SPATA22: variants seen among roughly 807,000 people sequenced by gnomAD.
The protein encoded by SPATA22 is spermatogenesis-associated protein 22.
SPATA22 carries 29 observed loss-of-function variants against 47.8 expected under a neutral mutation model. The ratio of observed to expected loss-of-function variants is 0.61; its 90% CI spans 0.45 to 0.83. The LOEUF (loss-of-function observed/expected upper bound fraction) is 0.83. SPATA22 is among the 40% of genes least tolerant of loss of function. The pLI is 0.00. For missense variants in SPATA22, 410 were observed against 421.7 expected, an observed-to-expected ratio of 0.97 and a Z score of 0.24; for synonymous variants, 133 against 140.9, an observed-to-expected ratio of 0.94 and a Z score of 0.40.
rs544435355 is a variant in SPATA22 at position 3,501,133 on chromosome 17, A to G, written c.-74+12279T>C. The G allele has an allele frequency of 2.6e-5, 4 of 152,188 alleles. No homozygotes were observed. In the East Asian group the frequency reaches 7.7e-4, roughly 29 times the overall value. 9.4% of individuals were successfully genotyped at this position (152,188 alleles called of 1,614,324 possible). A position where few individuals can be genotyped will look rare whatever the true frequency, so the allele number is the denominator to read the frequency against. ...TCAAATCTAACTATTTAAGAAATAC[A>G]TTTCAGGCTGGGGGAGGGGAGAAAA... On this transcript the variant is annotated intron_variant, in intron 1 of 8. Coordinates refer to the SPATA22 transcript ENST00000541913.
chr17:3,456,679 T>C (rs1567598139), intron 5 of SPATA22, among the ~76,000 whole-genome samples: 1 of 151,982 alleles, frequency 6.6e-6, no homozygotes, highest in Non-Finnish European at 1.5e-5. Context: ...AAAGAGGGAT[T>C]CCTCCCTAAC....
chr17:3,442,966 T>C lies in SPATA22; in HGVS notation c.900+208A>G, dbSNP rs532371736. Among the ~76,000 whole-genome samples, 157 of 152,068 alleles carry C rather than the reference T, an allele frequency of 1.0e-3. 1 individual carries two copies. The highest frequency in any genetic ancestry group is 3.6e-3 in the African/African-American group (150 of 41,532). On this transcript the variant is annotated intron_variant, in intron 8 of 8. Transcript: ENST00000572969. ...GAGAAAGAGCCATTTGCCATTTACA[T>C]TCCACTTTATATCCCTCAAACCCAG...
chr17:3,505,785 T>G (rs1298387341), intron 1 of SPATA22, among the ~76,000 whole-genome samples: 3 of 143,432 alleles, frequency 2.1e-5, no homozygotes, highest in Admixed American at 7.4e-5. Flanking sequence ...TGAGACGGAG[T>G]CTCACTCTGT....
intron 1 of SPATA22, chr17:3,489,341 A>G (rs764104886): frequency 6.3e-7 from 1 of 1,591,454 alleles, no homozygotes; most frequent in Non-Finnish European, 8.6e-7. Context: ...ATTTCAATGA[A>G]GGTAAGTAAT....
chr17:3,460,819 A>T (rs1465086668), intron 5 of SPATA22, among the ~76,000 whole-genome samples: 1 of 145,552 alleles, frequency 6.9e-6, no homozygotes, highest in African/African-American at 2.5e-5. Flanking sequence ...AAAAAAGATT[A>T]AAAATGTTAA....
intron 1 of SPATA22, chr17:3,512,406 G>C (rs754430339): frequency 6.6e-6 from 1 of 152,234 alleles, no homozygotes; most frequent in Non-Finnish European, 1.5e-5. Flanking sequence ...CTGGCACACA[G>C]AGTGGCCCAG....
At chr17:3,498,305 T>C (rs536280081) in intron 1 of SPATA22, among the ~76,000 whole-genome samples, 4 of 152,198 alleles carry the variant, frequency 2.6e-5, no homozygotes, top group African/African-American at 7.2e-5. Flanking sequence ...ATTATAAATC[T>C]CTTTGGCTAC....
chr17:3,486,267 C>T (rs1409078566), intron 1 of SPATA22, among the ~76,000 whole-genome samples: 2 of 152,144 alleles, frequency 1.3e-5, no homozygotes, highest in East Asian at 3.9e-4. Flanking sequence ...GCAGTAGGCA[C>T]GAGTGCCCTT....
intron 1 of SPATA22, chr17:3,489,441 G>C: frequency 9.5e-7 from 1 of 1,050,518 alleles, no homozygotes; most frequent in Non-Finnish European, 1.5e-6. Context: ...GATATGAAGT[G>C]CTTTTTAAAA....
intron 1 of SPATA22, among the ~76,000 whole-genome samples, chr17:3,507,475 T>C (rs368842103): frequency 6.6e-5 from 10 of 152,238 alleles, no homozygotes; most frequent in African/African-American, 1.9e-4. Flanking sequence ...TCTTCACACA[T>C]AGTAAGTGAG....
chr17:3,440,400 A>T, intron 8 of SPATA22, 62 bp from the exon 9 acceptor site: 6 of 1,395,824 alleles, frequency 4.3e-6, no homozygotes, highest in East Asian at 2.5e-5. Context: ...TCAATTTTTT[A>T]AATATTTATG....
chr17:3,488,916 T>C lies in SPATA22; in HGVS notation c.-73-19518A>G, dbSNP rs1006252881. Among the ~76,000 whole-genome samples, 1 of 152,230 alleles carries C rather than the reference T, an allele frequency of 6.6e-6. No homozygotes were observed. The highest frequency in any genetic ancestry group is 2.4e-5 in the African/African-American group (1 of 41,464). On this transcript the variant is annotated intron_variant, in intron 1 of 8. Transcript: ENST00000541913. This position sits in a 1 kb window ranked among gnomAD's most constrained non-coding sequence, Gnocchi z 6.1. ...AAACTTGTTCACCTTTTTTACTATG[T>C]TATGACTTTTAAATATTTTAGCAAT...
At chr17:3,493,072 G>A (rs572335016) in intron 1 of SPATA22, among the ~76,000 whole-genome samples, 1 of 152,284 alleles carries the variant, frequency 6.6e-6, no homozygotes, top group South Asian at 2.1e-4. Context: ...AACACGCTGT[G>A]GGCCCTACAT....
rs761064915 is a variant in SPATA22, at chr17:3,498,966, G to A, written c.-74+14446C>T. 27 of 1,613,866 alleles carry A rather than the reference G, an allele frequency of 1.7e-5. No individual in the cohort carries two copies. Among genetic ancestry groups the A allele is most frequent in the Non-Finnish European group, 2.0e-5 (24 of 1,179,914 alleles). On this transcript the variant is annotated intron_variant, in intron 1 of 8. Transcript: ENST00000541913. ...TGATGGGAAGACGATCCCACTGGGC[G>A]GAGACTGTACCGTGTACCCCGTGTT...
At chr17:3,458,549 A>G (rs556055689) in intron 5 of SPATA22, among the ~76,000 whole-genome samples, 4 of 152,260 alleles carry the variant, frequency 2.6e-5, no homozygotes, top group African/African-American at 9.6e-5. Flanking sequence ...TATTATTCAC[A>G]ATAGCCAAGA....
At chr17:3,464,982 C>A (rs1214180149) in intron 3 of SPATA22, among the ~76,000 whole-genome samples, 1 of 97,322 alleles carries the variant, frequency 1.0e-5, no homozygotes, top group African/African-American at 2.9e-5. Context: ...TGAGGAGCCC[C>A]TCTGCCCGGC....
chr17:3,444,497 A>T (rs1942486694), intron 7 of SPATA22, among the ~76,000 whole-genome samples: 1 of 152,082 alleles, frequency 6.6e-6, no homozygotes, highest in Non-Finnish European at 1.5e-5. Flanking sequence ...AGTCTACAAA[A>T]ATTTAATAAT....
chr17:3,453,174 G>A (rs771919662), intron 5 of SPATA22, among the ~76,000 whole-genome samples: 19 of 152,196 alleles, frequency 1.2e-4, no homozygotes, highest in Non-Finnish European at 2.4e-4. Context: ...ATTACCTGTC[G>A]AGTACTCTGT....
intron 5 of SPATA22, among the ~76,000 whole-genome samples, chr17:3,459,655 G>A (rs1005131050): frequency 2.6e-5 from 4 of 152,086 alleles, no homozygotes; most frequent in Non-Finnish European, 5.9e-5. Flanking sequence ...TGATCCGCCC[G>A]CCTCCGCCTC....
Sources: gnomAD v4.1 joint callset for allele counts (sites outside exome capture counted in the v4.1 genomes callset) on GRCh38, gnomAD v4.1.1 for gene constraint, Gnocchi (gnomAD v3.1) non-coding constraint, MANE v1.5 for transcripts, NCBI Gene and HGNC (gene_info 2026-07-23, HGNC 2026-07-21) for gene names.